Variants in USP20 observed in about 807,000 individuals in gnomAD.
The protein encoded by USP20 is ubiquitin specific peptidase 20, also known as ubiquitin carboxyl-terminal hydrolase 20.
Under a neutral mutation model 124.2 loss-of-function variants are expected in USP20, and 80 were observed. That is an observed-to-expected ratio of 0.64 (90% CI 0.54 to 0.78). The LOEUF (loss-of-function observed/expected upper bound fraction) is 0.78, where lower values mean the gene tolerates loss of function less well. Among genes scored for constraint, USP20 ranks in the 30% least tolerant of loss-of-function variants. The pLI is 0.00. For synonymous variants in USP20, 481 were observed against 512.3 expected (o/e 0.94, Z 0.83); for missense variants, 1,043 against 1,244.4 (o/e 0.84, Z 2.44).
chr9:129,838,634 C>T (rs1233489094), intron 1 of USP20, among the ~76,000 whole-genome samples: 1 of 152,184 alleles, frequency 6.6e-6, no homozygotes, highest in Non-Finnish European at 1.5e-5. Context: ...GGGAAGGCAG[C>T]TGCAGATCAT....
chr9:129,836,580 G>A lies in USP20; in HGVS notation c.-129+1081G>A, dbSNP rs117858418. On this transcript the variant is annotated intron_variant, in intron 1 of 25. Transcript: ENST00000372429. The stretch of plus-strand genomic sequence containing the variant: ...GGGGAGGGGCCGATGGGGGCTGTCT[G>A]GGGTTCCCCTTTCTGGAAGACCATT... Among the ~76,000 whole-genome samples the A allele has an allele frequency of 9.8e-3, 1,485 of 152,250 alleles. 17 individuals are homozygous for A. Among genetic ancestry groups the A allele is most frequent in the Non-Finnish European group, 0.015 (1,015 of 68,014 alleles).
At chr9:129,860,198 C>T (rs567849931) in intron 6 of USP20, among the ~76,000 whole-genome samples, 7 of 152,092 alleles carry the variant, frequency 4.6e-5, no homozygotes, top group Non-Finnish European at 1.0e-4. Flanking sequence ...GGCATAGTAG[C>T]GGGCACCTGT....
chr9:129,859,887 C>T (rs1171515557), intron 6 of USP20, among the ~76,000 whole-genome samples: 2 of 152,044 alleles, frequency 1.3e-5, no homozygotes, highest in Non-Finnish European at 2.9e-5. Flanking sequence ...ATAAAATTAG[C>T]TAGGCATGGT....
intron 15 of USP20, among the ~76,000 whole-genome samples, chr9:129,871,727 T>C (rs1237617395): frequency 3.3e-5 from 5 of 152,236 alleles, no homozygotes; most frequent in Admixed American, 6.5e-5. Flanking sequence ...TGTTTTGTTT[T>C]GTTTTTGAGA....
At chr9:129,858,164 C>T in intron 5 of USP20, 52 bp downstream of exon 5, 2 of 1,573,122 alleles carry the variant, frequency 1.3e-6, no homozygotes, top group Non-Finnish European at 1.7e-6. Flanking sequence ...GCCTGGGGTT[C>T]AAACCCCAGC....
intron 9 of USP20, among the ~76,000 whole-genome samples, chr9:129,864,117 AC>A: frequency 6.6e-6 from 1 of 151,038 alleles, no homozygotes; most frequent in South Asian, 2.1e-4. Context: ...AAAAAAAAAA[AC>A]AAAAACAAAA....
At chr9:129,864,928 G>A (rs1564210651) in intron 9 of USP20, among the ~76,000 whole-genome samples, 1 of 152,072 alleles carries the variant, frequency 6.6e-6, no homozygotes, top group East Asian at 1.9e-4. Context: ...CATTGGTGGT[G>A]GTGTTTTTCT....
chr9:129,869,101 T>A, intron 12 of USP20, 99 bp downstream of exon 12: 1 of 1,468,402 alleles, frequency 6.8e-7, no homozygotes, highest in Non-Finnish European at 9.1e-7. Context: ...AGGGCCGGGC[T>A]ATGGGCTCCT....
intron 11 of USP20, 117 bp downstream of exon 11, chr9:129,868,566 G>A (rs1396337783): frequency 2.1e-6 from 3 of 1,445,298 alleles, no homozygotes; most frequent in Non-Finnish European, 2.7e-6. Context: ...AGACCCGAAT[G>A]ACAGTGGGGA....
chr9:129,844,207 T>C (rs2032401295), intron 1 of USP20, among the ~76,000 whole-genome samples: 1 of 152,214 alleles, frequency 6.6e-6, no homozygotes, highest in African/African-American at 2.4e-5. Flanking sequence ...GCTTAAATTA[T>C]ATGTGGTATA....
Position 129,852,516 on chromosome 9 carries a change from G to T in USP20, c.-16-24G>T. On this transcript the variant is annotated intron_variant, in intron 2 of 25. Transcript: ENST00000372429. ...TGCCAACACTGGCTGCCATTAACCC[G>T]GGATTGCTTGTGTCTTCTCATAGGT... is the stretch of plus-strand genomic sequence containing the variant. 4 of 1,563,086 alleles carry T rather than the reference G, an allele frequency of 2.6e-6. No individual in the cohort carries two copies. In the South Asian group the frequency reaches 3.5e-5, roughly 14 times the overall value.
Position 129,869,836 on chromosome 9 carries a change from C to A in USP20, c.1557C>A (p.Tyr519Ter), listed in dbSNP as rs768166648. ...AQGWLAFIVE[Y>*]IRRFVVSCTP... Reference sequence around the variant, plus strand: ...GCTGGCTGGCCTTCATTGTGGAGTACATCCGACGGTGCGCCCACCTTGCCA... The same window carrying A: ...GCTGGCTGGCCTTCATTGTGGAGTAAATCCGACGGTGCGCCCACCTTGCCA... The change falls in exon 14 of 26, where the codon TAC becomes TAA. Residue 519 changes from tyrosine to a stop codon, truncating the protein, a stop_gained. Coordinates refer to ENST00000372429, the MANE Select transcript of USP20 (RefSeq NM_001110303.4). LOFTEE classifies it high-confidence loss of function. 7.4e-6 allele frequency: 12 copies of A among 1,613,510 alleles called. No individual in the cohort carries two copies. Among genetic ancestry groups the A allele is most frequent in the Non-Finnish European group, 1.0e-5 (12 of 1,179,866 alleles).
At position 129,880,279 on chromosome 9, in the gene USP20, T is replaced by G; in HGVS notation, c.*6T>G. 1 of 1,584,730 alleles carries G rather than the reference T, an allele frequency of 6.3e-7. No individual in the cohort carries two copies. The highest frequency in any genetic ancestry group is 8.6e-7 in the Non-Finnish European group (1 of 1,167,954). ...CCGAGACGCGGGCCGTGTGATCTGC[T>G]GGGCTAGTCTGTAAGTCGCCCCGGC... On this transcript the variant is annotated 3_prime_UTR_variant, in exon 25 of 26. Transcript: ENST00000372429.
chr9:129,879,360 C>CA lies in USP20; in HGVS notation c.2513-212dup. The CA allele has an allele frequency of 1.8e-6, 1 of 562,956 alleles. No homozygotes were observed. The highest frequency in any genetic ancestry group is 4.7e-4 in the Middle Eastern group (1 of 2,128). 34.9% of individuals were successfully genotyped at this position (562,956 alleles called of 1,614,324 possible). On this transcript the variant is annotated intron_variant, in intron 23 of 25. Coordinates refer to ENST00000372429, the MANE Select transcript of USP20 (RefSeq NM_001110303.4). The surrounding 1 kb of genome is among the most constrained non-coding windows in gnomAD (Gnocchi z 4.2). ...TCCACCGCAGCTCCTGCGGCCAGCACAGAGTCTGAGACCATCTCGTGTGTC... is the reference window on the plus strand; with the variant it reads ...TCCACCGCAGCTCCTGCGGCCAGCACAAGAGTCTGAGACCATCTCGTGTGTC...
At chr9:129,846,243 ATATAT>A (rs1271447930) in intron 1 of USP20, among the ~76,000 whole-genome samples, 1 of 36,026 alleles carries the variant, frequency 2.8e-5, no homozygotes, top group Admixed American at 4.8e-4. Context: ...ATATATATAT[ATATAT>A]TTTTTTTTTT....
At chr9:129,856,475 C>T in intron 4 of USP20, 115 bp downstream of exon 4, 1 of 1,255,442 alleles carries the variant, frequency 8.0e-7, no homozygotes, top group Non-Finnish European at 1.2e-6. Flanking sequence ...CCCTAGTGGG[C>T]ACTGCCAGAA....
At chr9:129,877,326 T>C (rs141775442) in intron 22 of USP20, among the ~76,000 whole-genome samples, 1,953 of 151,630 alleles carry the variant, frequency 0.013, 20 homozygotes, top group Middle Eastern at 0.027. Context: ...CAAGACCAAC[T>C]TGGCCAACAT....
At chr9:129,876,947 C>G (rs987247488) in intron 22 of USP20, among the ~76,000 whole-genome samples, 1 of 152,066 alleles carries the variant, frequency 6.6e-6, no homozygotes, top group African/African-American at 2.4e-5. Context: ...GCCCAGGGTC[C>G]CCTGGGGTGC....
At chr9:129,858,696 C>T (rs916039831) in intron 6 of USP20, 98 bp downstream of exon 6, 16 of 1,520,604 alleles carry the variant, frequency 1.1e-5, no homozygotes, top group African/African-American at 1.4e-5. Flanking sequence ...GCAGTAGGTC[C>T]CAGAGGTGTC....
Sources: gnomAD v4.1 joint callset for allele counts (sites outside exome capture counted in the v4.1 genomes callset) on GRCh38, gnomAD v4.1.1 for gene constraint, Gnocchi (gnomAD v3.1) non-coding constraint, MANE v1.5 for transcripts, NCBI Gene and HGNC (gene_info 2026-07-23, HGNC 2026-07-21) for gene names.